Variants in TAFA1 observed in about 807,000 individuals in gnomAD.
TAFA1 encodes the protein chemokine-like protein TAFA-1.
A neutral mutation model predicts 18.5 loss-of-function variants in TAFA1; 4 were observed. That is an observed-to-expected ratio of 0.22 (90% CI 0.11 to 0.49). The LOEUF (loss-of-function observed/expected upper bound fraction) is 0.49, where lower values mean the gene tolerates loss of function less well. Among genes scored for constraint, TAFA1 ranks in the 20% least tolerant of loss-of-function variants. The pLI, the probability that TAFA1 is intolerant of heterozygous loss-of-function variation, is 0.98. For synonymous variants in TAFA1, 56 were observed against 55.2 expected, an observed-to-expected ratio of 1.01 and a Z score of -0.06; for missense variants, 147 against 169.0, an observed-to-expected ratio of 0.87 and a Z score of 0.72.
chr3:68,061,754 A>G (rs1213292648), intron 2 of TAFA1, among the ~76,000 whole-genome samples: 1 of 152,224 alleles, frequency 6.6e-6, no homozygotes, highest in Non-Finnish European at 1.5e-5. Flanking sequence ...TGACGATTAA[A>G]GGTACATTAT....
chr3:68,526,358 A>T (rs893956387), intron 3 of TAFA1, among the ~76,000 whole-genome samples: 1 of 152,188 alleles, frequency 6.6e-6, no homozygotes, highest in Admixed American at 6.5e-5. Context: ...TATTTATATC[A>T]ATCTTCTCTA....
intron 4 of TAFA1, 85 bp downstream of exon 4, chr3:68,538,965 C>G: frequency 7.1e-7 from 1 of 1,416,544 alleles, no homozygotes; most frequent in Non-Finnish European, 9.7e-7. Context: ...TCCACAGAAG[C>G]TTTGCACAGG....
At chr3:68,166,577 G>A (rs545076132) in intron 2 of TAFA1, among the ~76,000 whole-genome samples, 1 of 152,060 alleles carries the variant, frequency 6.6e-6, no homozygotes, top group African/African-American at 2.4e-5. Flanking sequence ...AGCACAATTC[G>A]TACCATAAAG....
intron 2 of TAFA1, among the ~76,000 whole-genome samples, chr3:68,204,052 T>C (rs1464724852): frequency 2.7e-5 from 4 of 148,154 alleles, no homozygotes; most frequent in African/African-American, 7.4e-5. Flanking sequence ...AAGGTTTTCC[T>C]ACCTAGCACT....
At chr3:68,177,733 C>T (rs1575662854) in intron 2 of TAFA1, among the ~76,000 whole-genome samples, 1 of 152,162 alleles carries the variant, frequency 6.6e-6, no homozygotes, top group African/African-American at 2.4e-5. Context: ...CTTCCTACTC[C>T]TTTTATAATC....
chr3:68,263,480 C>T (rs990942922), intron 2 of TAFA1, among the ~76,000 whole-genome samples: 1 of 151,308 alleles, frequency 6.6e-6, no homozygotes, highest in Non-Finnish European at 1.5e-5. Context: ...CACACACACA[C>T]ATTTTGTAAG....
At chr3:68,290,366 C>G (rs1419261733) in intron 2 of TAFA1, among the ~76,000 whole-genome samples, 1 of 152,110 alleles carries the variant, frequency 6.6e-6, no homozygotes, top group African/African-American at 2.4e-5. Context: ...AATACACAAA[C>G]AGTAATCATT....
chr3:68,172,498 A>G (rs1559546694), intron 2 of TAFA1, among the ~76,000 whole-genome samples: 1 of 152,192 alleles, frequency 6.6e-6, no homozygotes, highest in Non-Finnish European at 1.5e-5. Context: ...GTAGTTCCTC[A>G]AAATGTTAAA....
At position 68,420,666 on chromosome 3, in the gene TAFA1, G is replaced by C. The variant is rs2070937349; in HGVS notation, c.259+3246G>C. 2.0e-5 allele frequency among the ~76,000 whole-genome samples: 3 copies of C among 152,166 alleles called. No individual in the cohort carries two copies. The South Asian group carries it at 6.2e-4, about 32-fold the overall frequency. Reference sequence around the variant, plus strand: ...ACCCATTTGTCACAACAAGGGAGCTGCTACTGATACCTAGTGGGTAGAGGC... The same window carrying C: ...ACCCATTTGTCACAACAAGGGAGCTCCTACTGATACCTAGTGGGTAGAGGC... On this transcript the variant is annotated intron_variant, in intron 3 of 4. Transcript: ENST00000478136.
At chr3:68,099,940 TA>T (rs1460541516) in intron 2 of TAFA1, among the ~76,000 whole-genome samples, 1 of 151,820 alleles carries the variant, frequency 6.6e-6, no homozygotes, top group Non-Finnish European at 1.5e-5. Context: ...AAGTGGGAGC[TA>T]AACATTAGGT....
intron 2 of TAFA1, among the ~76,000 whole-genome samples, chr3:68,287,471 C>T (rs1284315296): frequency 6.9e-6 from 1 of 145,682 alleles, no homozygotes; most frequent in Non-Finnish European, 1.5e-5. Context: ...CCGTAAGGGG[C>T]AATGAGATTT....
Position 68,345,294 on chromosome 3 carries a change from G to A in TAFA1, c.119-71986G>A, listed in dbSNP as rs147279230. ...CAGGGCCAGATCTAATCCTTACCTCGTTCAGGCAGAGAGGCCTAGAAGAAG... is the reference window on the plus strand; with the variant it reads ...CAGGGCCAGATCTAATCCTTACCTCATTCAGGCAGAGAGGCCTAGAAGAAG... On this transcript the variant is annotated intron_variant, in intron 2 of 4. Transcript: ENST00000478136. Among the ~76,000 whole-genome samples the A allele has an allele frequency of 9.2e-5, 14 of 152,280 alleles. No individual in the cohort carries two copies. The East Asian group carries it at 1.5e-3, about 17-fold the overall frequency.
At chr3:68,337,946 C>G (rs540517937) in intron 2 of TAFA1, among the ~76,000 whole-genome samples, 1 of 152,308 alleles carries the variant, frequency 6.6e-6, no homozygotes, top group South Asian at 2.1e-4. Flanking sequence ...CTGAAGACCA[C>G]ATGGTTGAAT....
chr3:68,153,971 T>C (rs2065836370), intron 2 of TAFA1, among the ~76,000 whole-genome samples: 1 of 152,186 alleles, frequency 6.6e-6, no homozygotes, highest in Non-Finnish European at 1.5e-5. Context: ...TTAGGGATGA[T>C]GAAAAATCCT....
chr3:68,325,911 A>G (rs1021905657), intron 2 of TAFA1, among the ~76,000 whole-genome samples: 1 of 152,292 alleles, frequency 6.6e-6, no homozygotes, highest in South Asian at 2.1e-4. Context: ...GATAAATCTG[A>G]GACTGGAACC....
intron 2 of TAFA1, among the ~76,000 whole-genome samples, chr3:68,275,502 CT>C (rs199541727): frequency 0.048 from 6,804 of 141,000 alleles, 220 homozygotes; most frequent in South Asian, 0.18. Context: ...GATTAGGGGA[CT>C]TTTTTTTTTT....
intron 2 of TAFA1, among the ~76,000 whole-genome samples, chr3:68,400,644 T>C (rs2070468549): frequency 6.6e-6 from 1 of 152,216 alleles, no homozygotes. Flanking sequence ...TCTGTTTTTA[T>C]ATTTGTATAA....
intron 2 of TAFA1, among the ~76,000 whole-genome samples, chr3:68,072,937 C>G (rs1373209995): frequency 6.6e-6 from 1 of 152,134 alleles, no homozygotes; most frequent in Non-Finnish European, 1.5e-5. Flanking sequence ...TTGTAGTCTT[C>G]AGCATTAATT....
rs73836824 is a variant in TAFA1, at chr3:68,254,882, T to C, written c.119-162398T>C. On this transcript the variant is annotated intron_variant, in intron 2 of 4. Coordinates refer to ENST00000478136, the MANE Select transcript of TAFA1 (RefSeq NM_213609.4). The stretch of plus-strand genomic sequence containing the variant: ...TGCCAGCAGTAAGCCAAACCCACAG[T>C]GCCAGCCTACACAGTACAATAAATA... Among the ~76,000 whole-genome samples, 1,478 of 152,198 alleles carry C rather than the reference T, an allele frequency of 9.7e-3. 16 individuals carry two copies. Among genetic ancestry groups the C allele is most frequent in the African/African-American group, 0.03 (1,254 of 41,552 alleles).
Sources: allele counts gnomAD v4.1 joint callset (sites outside exome capture counted in the v4.1 genomes callset), GRCh38; gene constraint gnomAD v4.1.1; transcripts MANE v1.5; gene names NCBI Gene and HGNC (gene_info 2026-07-23, HGNC 2026-07-21).